TLL1: variants seen among roughly 807,000 people sequenced by gnomAD.
TLL1 encodes tolloid like 1.
A neutral mutation model predicts 128.2 loss-of-function variants in TLL1; 49 were observed. The observed-to-expected ratio is 0.38, with a 90% confidence interval of 0.30 to 0.48. The LOEUF is 0.48. TLL1 is among the 20% of genes least tolerant of loss of function. TLL1 has a pLI of 0.96. For synonymous variants in TLL1, 454 were observed against 418.8 expected (o/e 1.08, Z -1.03); for missense variants, 1,123 against 1,242.0 (o/e 0.90, Z 1.44).
intron 1 of TLL1, among the ~76,000 whole-genome samples, chr4:165,959,714 GA>G (rs1449976086): frequency 1.3e-5 from 2 of 152,048 alleles, no homozygotes; most frequent in African/African-American, 4.8e-5. Context: ...CTATTGCATG[GA>G]AATTAAACAA....
chr4:165,937,332 C>T (rs945023609), intron 1 of TLL1, among the ~76,000 whole-genome samples: 2 of 152,116 alleles, frequency 1.3e-5, no homozygotes, highest in African/African-American at 4.8e-5. Flanking sequence ...CACTTTGGCT[C>T]TCAAGGACAC....
At chr4:165,988,240 T>C (rs1331844435) in intron 1 of TLL1, among the ~76,000 whole-genome samples, 3 of 152,116 alleles carry the variant, frequency 2.0e-5, no homozygotes, top group African/African-American at 4.8e-5. Context: ...ATACTAGTTA[T>C]CAATGAACTC....
intron 1 of TLL1, among the ~76,000 whole-genome samples, chr4:165,972,464 G>A (rs1735671075): frequency 6.6e-6 from 1 of 152,082 alleles, no homozygotes; most frequent in Non-Finnish European, 1.5e-5. Flanking sequence ...TTGAAAACTG[G>A]CTCATATCCT....
chr4:166,079,423 G>C (rs186188142), intron 18 of TLL1, among the ~76,000 whole-genome samples: 6 of 152,112 alleles, frequency 3.9e-5, no homozygotes, highest in African/African-American at 1.2e-4. Flanking sequence ...AGAATTCTAG[G>C]ATGACAGTTT....
chr4:166,005,199 G>C (rs1232696704), intron 6 of TLL1, among the ~76,000 whole-genome samples: 1 of 151,980 alleles, frequency 6.6e-6, no homozygotes, highest in African/African-American at 2.4e-5. Context: ...GCATGTTTTT[G>C]AGAAAGAGAA....
intron 1 of TLL1, among the ~76,000 whole-genome samples, chr4:165,966,227 A>G (rs1288233759): frequency 1.3e-5 from 2 of 151,752 alleles, no homozygotes; most frequent in African/African-American, 4.8e-5. Context: ...GCACTAGCAA[A>G]CCACCTCAAT....
intron 7 of TLL1, among the ~76,000 whole-genome samples, chr4:166,010,047 A>G (rs1274736247): frequency 6.6e-6 from 1 of 151,346 alleles, no homozygotes; most frequent in African/African-American, 2.4e-5. Flanking sequence ...TACTTTTGAT[A>G]TTGTATATAA....
intron 6 of TLL1, among the ~76,000 whole-genome samples, chr4:166,005,906 G>C (rs1737405571): frequency 1.3e-5 from 2 of 151,810 alleles, no homozygotes; most frequent in Admixed American, 1.3e-4. Flanking sequence ...ACAGTGCTAA[G>C]GAAATTATGG....
intron 1 of TLL1, among the ~76,000 whole-genome samples, chr4:165,936,889 C>T (rs952765188): frequency 1.3e-5 from 2 of 152,094 alleles, no homozygotes; most frequent in African/African-American, 4.8e-5. Flanking sequence ...GCCGAGATGG[C>T]CCCACTGCAC....
chr4:165,888,552 A>T (rs1157444984), intron 1 of TLL1, among the ~76,000 whole-genome samples: 46 of 149,742 alleles, frequency 3.1e-4, no homozygotes, highest in East Asian at 5.9e-4. Context: ...ACACTGGAAA[A>T]TATTTTTTTT....
intron 5 of TLL1, among the ~76,000 whole-genome samples, 184 bp downstream of exon 5, chr4:165,995,362 C>T (rs1736827582): frequency 6.6e-6 from 1 of 152,150 alleles, no homozygotes; most frequent in Non-Finnish European, 1.5e-5. Context: ...GTCCTCTGTG[C>T]ATCTACTGCA....
intron 1 of TLL1, among the ~76,000 whole-genome samples, chr4:165,973,407 G>A (rs1353437769): frequency 6.6e-6 from 1 of 151,872 alleles, no homozygotes; most frequent in Non-Finnish European, 1.5e-5. Context: ...ACAACTTCAT[G>A]TTCTACCTTT....
intron 1 of TLL1, among the ~76,000 whole-genome samples, chr4:165,890,957 A>G (rs1438213034): frequency 2.0e-5 from 3 of 152,060 alleles, no homozygotes; most frequent in Non-Finnish European, 4.4e-5. Context: ...ACTTCCATAC[A>G]TCTCTGAAAT....
At chr4:165,908,609 G>A (rs940482747) in intron 1 of TLL1, among the ~76,000 whole-genome samples, 15 of 151,384 alleles carry the variant, frequency 9.9e-5, no homozygotes, top group African/African-American at 2.4e-4. Context: ...AAAGGGAAGC[G>A]TGGAAAACAC....
At chr4:166,063,948 A>C (rs142718447) in intron 15 of TLL1, among the ~76,000 whole-genome samples, 3 of 151,916 alleles carry the variant, frequency 2.0e-5, no homozygotes, top group Non-Finnish European at 4.4e-5. Context: ...ATACGTATGT[A>C]ACAAACTTCA....
chr4:166,051,716 C>A (rs559794880), intron 12 of TLL1, among the ~76,000 whole-genome samples: 1 of 152,018 alleles, frequency 6.6e-6, no homozygotes, highest in African/African-American at 2.4e-5. Context: ...AGGTAATTGA[C>A]GAGATATCTA....
rs1456834575 is a variant in TLL1 at position 165,962,747 on chromosome 4, A to G, written c.170-26634A>G. On this transcript the variant is annotated intron_variant, in intron 1 of 20. Coordinates refer to ENST00000061240, the MANE Select transcript of TLL1 (RefSeq NM_012464.5). The stretch of plus-strand genomic sequence containing the variant: ...CAGTCATAAAGAAAAGAAAGAAATC[A>G]TGTTCTTTGCAGCAACATGGATGCA... Among the ~76,000 whole-genome samples the G allele has an allele frequency of 2.6e-5, 4 of 152,076 alleles. 1 individual carries two copies. Among genetic ancestry groups the G allele is most frequent in the Admixed American group, 2.0e-4 (3 of 15,248 alleles).
In TLL1 at chr4:166,037,430, C is replaced by A. The variant is rs554474310; in HGVS notation, c.1159-1909C>A. 2.0e-5 allele frequency among the ~76,000 whole-genome samples: 3 copies of A among 151,974 alleles called. No homozygotes were observed. The South Asian group carries it at 6.2e-4, about 32-fold the overall frequency. ...TTTTGTAAACACTTAAAAAGTGGAACCTTACAATGAGGTGAAGAAAAAGAA... is the reference window on the plus strand; with the variant it reads ...TTTTGTAAACACTTAAAAAGTGGAAACTTACAATGAGGTGAAGAAAAAGAA... On this transcript the variant is annotated intron_variant, in intron 9 of 20. Transcript: ENST00000061240.
chr4:165,895,633 T>TAAAAACAAAAAAAAAAAAA (rs1731635667), intron 1 of TLL1, among the ~76,000 whole-genome samples: 1 of 68,456 alleles, frequency 1.5e-5, no homozygotes, highest in African/African-American at 1.0e-4. Context: ...AGACTTTTTG[T>TAAAAACAAAAAAAAAAAAA]AAAAAAAAAA....
Sources: allele counts gnomAD v4.1 joint callset (sites outside exome capture counted in the v4.1 genomes callset), GRCh38; gene constraint gnomAD v4.1.1; transcripts MANE v1.5; gene names NCBI Gene and HGNC (gene_info 2026-07-23, HGNC 2026-07-21).